The following WRNIP1 variants were observed in gnomAD, a reference collection of about 807,000 sequenced individuals.
WRNIP1 encodes the protein ATPase WRNIP1.
Under a neutral mutation model 56.1 loss-of-function variants are expected in WRNIP1, and 41 were observed. That is an observed-to-expected ratio of 0.73 (90% CI 0.57 to 0.95). The LOEUF (loss-of-function observed/expected upper bound fraction) is 0.95, where lower values mean the gene tolerates loss of function less well. Among genes scored for constraint, WRNIP1 ranks in the 40% least tolerant of loss-of-function variants. The probability of loss-of-function intolerance (pLI) is 0.00; values close to 1 mark genes in which losing one functional copy is unlikely to be tolerated. For synonymous variants in WRNIP1, 547 were observed against 398.1 expected (o/e 1.37, Z -4.45); for missense variants, 1,170 against 939.4 (o/e 1.25, Z -3.21).
At position 2,785,648 on chromosome 6, in the gene WRNIP1, T is replaced by A. The variant is rs964867583; in HGVS notation, c.*366T>A. 1.9e-5 allele frequency: 4 copies of A among 215,502 alleles called. No homozygotes were observed. Among genetic ancestry groups the A allele is most frequent in the African/African-American group, 9.3e-5 (4 of 43,122 alleles). The allele number at this position is 215,502 out of a possible 1,614,324, so 13.3% of individuals were successfully genotyped here. On this transcript the variant is annotated 3_prime_UTR_variant, in exon 7 of 7. Coordinates refer to ENST00000380773, the MANE Select transcript of WRNIP1 (RefSeq NM_020135.3). ...AATGTATATTCTGGGTAGTTTTAAT[T>A]GGTAAAAAAATGTAATTGTGATTTA...
chr6:2,766,345 G>C lies in WRNIP1; in HGVS notation c.723G>C (p.Gly241=), dbSNP rs1169873394. Residue 241 remains glycine, a synonymous_variant, in exon 1 of 7, where the codon GGG becomes GGC. Transcript: ENST00000380773. ...MRPDTLQDYF[G]QSKAVGQDTL... ...CTGACACGCTGCAGGATTACTTCGG[G>C]CAGAGCAAGGCCGTGGGCCAGGATA... 1 of 1,610,516 alleles carries C rather than the reference G, an allele frequency of 6.2e-7. No homozygotes were observed. Among genetic ancestry groups the C allele is most frequent in the Non-Finnish European group, 8.5e-7 (1 of 1,178,912 alleles).
At position 2,785,048 on chromosome 6, in the gene WRNIP1, A is replaced by C; in HGVS notation, c.1764A>C (p.Pro588=). 1 of 1,614,182 alleles carries C rather than the reference A, an allele frequency of 6.2e-7. No individual in the cohort carries two copies. Among genetic ancestry groups the C allele is most frequent in the East Asian group, 2.2e-5 (1 of 44,890 alleles). The change falls in exon 7 of 7, where the codon CCA becomes CCC. Residue 588 remains proline (P), a synonymous_variant. Transcript: ENST00000380773. The part of the protein sequence containing the change: ...AQCVVYFARA[P]KSIEVYSAYN... ...GTGTGGTCTACTTTGCCAGAGCCCC[A>C]AAGTCCATTGAGGTGTACAGCGCCT...
At chr6:2,770,491 T>G (rs1355578470) in intron 3 of WRNIP1, 130 bp downstream of exon 3, 6 of 1,330,208 alleles carry the variant, frequency 4.5e-6, no homozygotes, top group Non-Finnish European at 6.0e-6. Context: ...CCGCCCGTAA[T>G]GAAAATAAAA....
intron 1 of WRNIP1, among the ~76,000 whole-genome samples, chr6:2,767,100 C>A (rs1765049212): frequency 6.6e-6 from 1 of 152,190 alleles, no homozygotes; most frequent in Non-Finnish European, 1.5e-5. Context: ...GCCTTGTACT[C>A]TAGAGAAGAA....
At chr6:2,770,950 C>A (rs1003774583) in intron 3 of WRNIP1, among the ~76,000 whole-genome samples, 9 of 152,126 alleles carry the variant, frequency 5.9e-5, no homozygotes, top group Non-Finnish European at 1.5e-5. Context: ...CTTTTAGTGA[C>A]CTATTTCTGC....
intron 2 of WRNIP1, among the ~76,000 whole-genome samples, chr6:2,769,549 ACT>A (rs1171282159): frequency 6.6e-6 from 1 of 152,210 alleles, no homozygotes; most frequent in African/African-American, 2.4e-5. Context: ...ATTTCACAAA[ACT>A]CTACTGAGCC....
intron 3 of WRNIP1, among the ~76,000 whole-genome samples, chr6:2,772,062 TC>T (rs1368179769): frequency 2.6e-5 from 4 of 152,224 alleles, no homozygotes; most frequent in Non-Finnish European, 1.5e-5. Flanking sequence ...TCAGGTTTTT[TC>T]ACCTCTCCCC....
intron 1 of WRNIP1, among the ~76,000 whole-genome samples, chr6:2,767,606 C>T (rs1447863466): frequency 2.0e-5 from 3 of 152,188 alleles, no homozygotes; most frequent in Non-Finnish European, 4.4e-5. Context: ...GACGTCTGTC[C>T]CCATGGATTT....
chr6:2,779,219 A>G (rs1203965840), intron 3 of WRNIP1, 44 bp from the exon 4 acceptor site: 1 of 1,591,148 alleles, frequency 6.3e-7, no homozygotes, highest in Non-Finnish European at 8.6e-7. Context: ...AACAAGAAGT[A>G]TGCAGCCTGA....
Position 2,766,317 on chromosome 6 carries a change from G to C in WRNIP1, c.695G>C (p.Arg232Pro). The change falls in exon 1 of 7, where the codon CGT becomes CCT. Residue 232 changes from arginine to proline, a missense_variant. Coordinates refer to ENST00000380773, the MANE Select transcript of WRNIP1 (RefSeq NM_020135.3). ...LQGKPLADTM[R>P]PDTLQDYFGQ... ...GGCAAGCCGCTGGCCGACACGATGC[G>C]TCCTGACACGCTGCAGGATTACTTC... 1 of 1,610,472 alleles carries C rather than the reference G, an allele frequency of 6.2e-7. No individual in the cohort carries two copies. The highest frequency in any genetic ancestry group is 8.5e-7 in the Non-Finnish European group (1 of 1,178,994).
At chr6:2,774,776 T>G (rs990404539) in intron 3 of WRNIP1, among the ~76,000 whole-genome samples, 1 of 152,208 alleles carries the variant, frequency 6.6e-6, no homozygotes, top group Non-Finnish European at 1.5e-5. Flanking sequence ...TCTCTCTTTG[T>G]GGAGAAAGTC....
At position 2,765,583 on chromosome 6, in the gene WRNIP1, G is replaced by A; in HGVS notation, c.-40G>A. 2.8e-6 allele frequency: 4 copies of A among 1,451,572 alleles called. No homozygotes were observed. Among genetic ancestry groups the A allele is most frequent in the Non-Finnish European group, 2.7e-6 (3 of 1,107,988 alleles). The allele number at this position is 1,451,572 out of a possible 1,614,324, so 89.9% of individuals were successfully genotyped here. ...GAAGGCCTCCGCGTGCGCACGGGTT[G>A]CTGCGGCCGCGCCGGGCGCCGGGGA... On this transcript the variant is annotated 5_prime_UTR_variant, in exon 1 of 7. Transcript: ENST00000380773.
chr6:2,770,462 A>G, intron 3 of WRNIP1, 101 bp downstream of exon 3: 1 of 1,482,218 alleles, frequency 6.7e-7, no homozygotes, highest in South Asian at 1.3e-5. Flanking sequence ...GAGGGTGGGG[A>G]CAGAGAAGAA....
intron 3 of WRNIP1, 112 bp downstream of exon 3, chr6:2,770,473 A>G (rs1765233359): frequency 7.1e-7 from 1 of 1,413,364 alleles, no homozygotes; most frequent in East Asian, 2.4e-5. Flanking sequence ...CAGAGAAGAA[A>G]TGTTGATCCG....
chr6:2,784,335 C>T lies in WRNIP1; in HGVS notation c.1654C>T (p.Pro552Ser), dbSNP rs749398278. ...TCTGTGTGTGGCAGGTCTGGCAGAC[C>T]CGTCTGCGTTAACACAAGCGGTTGC... is the stretch of plus-strand genomic sequence containing the variant. ...FASEDIGLAD[P>S]SALTQAVAAY... The change falls in exon 6 of 7, where the codon CCG becomes TCG. Residue 552 changes from proline to serine, a missense_variant. Pro to Ser is a moderately conservative substitution (Grantham distance 74). Transcript: ENST00000380773. 6.2e-7 allele frequency: 1 copy of T among 1,613,526 alleles called. No individual in the cohort carries two copies. The highest frequency in any genetic ancestry group is 1.7e-5 in the Admixed American group (1 of 60,010).
intron 1 of WRNIP1, among the ~76,000 whole-genome samples, chr6:2,767,064 G>A (rs1222545713): frequency 6.6e-6 from 1 of 152,038 alleles, no homozygotes; most frequent in Non-Finnish European, 1.5e-5. Context: ...ATTTTCATCC[G>A]GTATTTCCGT....
chr6:2,773,990 C>T (rs951964305), intron 3 of WRNIP1: 2 of 985,078 alleles, frequency 2.0e-6, no homozygotes, highest in Non-Finnish European at 2.4e-6. Flanking sequence ...CAAGCTGGCC[C>T]CCAAACAAGG....
At chr6:2,780,740 G>A (rs765324173) in intron 4 of WRNIP1, among the ~76,000 whole-genome samples, 1 of 152,070 alleles carries the variant, frequency 6.6e-6, no homozygotes, top group Non-Finnish European at 1.5e-5. Flanking sequence ...TCACCATGCC[G>A]GGATCGCCAT....
intron 6 of WRNIP1, among the ~76,000 whole-genome samples, 190 bp downstream of exon 6, chr6:2,784,593 T>C (rs1234199923): frequency 1.3e-5 from 2 of 152,156 alleles, no homozygotes; most frequent in African/African-American, 4.8e-5. Flanking sequence ...GTCAACGAGG[T>C]CATGTTTCAA....
Sources: allele counts gnomAD v4.1 joint callset (sites outside exome capture counted in the v4.1 genomes callset), GRCh38; gene constraint gnomAD v4.1.1; transcripts MANE v1.5; gene names NCBI Gene and HGNC (gene_info 2026-07-23, HGNC 2026-07-21).